The following DDX1 variants were observed in gnomAD, a reference collection of about 807,000 sequenced individuals.
The protein encoded by DDX1 is DEAD-box helicase 1.
A neutral mutation model predicts 108.7 loss-of-function variants in DDX1; 28 were observed. The ratio of observed to expected loss-of-function variants is 0.26; its 90% CI spans 0.19 to 0.35. The LOEUF is 0.35. Among genes scored for constraint, DDX1 ranks in the 10% least tolerant of loss-of-function variants. The pLI, the probability that DDX1 is intolerant of heterozygous loss-of-function variation, is 1.00. For synonymous variants in DDX1, 295 were observed against 288.9 expected (o/e 1.02, Z -0.21); for missense variants, 710 against 884.5 (o/e 0.80, Z 2.50).
chr2:15,606,267 A>G lies in DDX1; in HGVS notation c.817+3A>G. On this transcript the variant is annotated splice_donor_region_variant and intron_variant, in intron 12 of 25. Transcript: ENST00000233084. ...CATTGTCAAATCACAGCACTCAGGT[A>G]TTATACCTGCAAGGGTAAGGATTTC... 6.3e-7 allele frequency: 1 copy of G among 1,594,892 alleles called. No individual in the cohort carries two copies. The highest frequency in any genetic ancestry group is 8.6e-7 in the Non-Finnish European group (1 of 1,163,228).
chr2:15,604,562 G>C, intron 10 of DDX1, 53 bp downstream of exon 10: 2 of 1,266,094 alleles, frequency 1.6e-6, no homozygotes, highest in Non-Finnish European at 2.3e-6. Context: ...TTCAATAATT[G>C]TGGTTTTTAA....
At chr2:15,604,576 T>TC in intron 10 of DDX1, 67 bp downstream of exon 10, 1 of 1,048,928 alleles carries the variant, frequency 9.5e-7, no homozygotes, top group East Asian at 2.4e-5. Flanking sequence ...TTTTTAAAAA[T>TC]CCCCCCACCC....
intron 13 of DDX1, among the ~76,000 whole-genome samples, chr2:15,608,204 C>T (rs913611612): frequency 1.3e-5 from 2 of 152,166 alleles, no homozygotes; most frequent in Non-Finnish European, 2.9e-5. Context: ...AAACTTGAAA[C>T]ATTCACACAC....
intron 15 of DDX1, 43 bp downstream of exon 15, chr2:15,617,385 A>G (rs1450393331): frequency 6.0e-6 from 7 of 1,175,776 alleles, no homozygotes; most frequent in Non-Finnish European, 7.3e-6. Context: ...GTTTACTTAT[A>G]TTTTTTGAGA....
intron 6 of DDX1, among the ~76,000 whole-genome samples, chr2:15,602,302 A>T (rs1034985179): frequency 2.0e-5 from 3 of 152,246 alleles, no homozygotes; most frequent in Non-Finnish European, 2.9e-5. Context: ...TAGTTAACAG[A>T]TGGCAGCATA....
At position 15,606,244 on chromosome 2, in the gene DDX1, T is replaced by C. The variant is rs568577067; in HGVS notation, c.797T>C (p.Ile266Thr). ...VALSKAPDGYIVKSQHSGNAQ... is the reference protein window; with the variant it reads ...VALSKAPDGYTVKSQHSGNAQ... ...CTTTCCAAGGCACCGGATGGTTACA[T>C]TGTCAAATCACAGCACTCAGGTATT... Residue 266 changes from isoleucine (I) to threonine (T), a missense_variant, in exon 12 of 26, where the codon ATT (isoleucine) becomes ACT (threonine). This residue lies in a region of DDX1 where 661 missense variants were observed against 810.2 expected (regional missense o/e 0.82). Coordinates refer to ENST00000233084, the MANE Select transcript of DDX1 (RefSeq NM_004939.3). The C allele has an allele frequency of 3.7e-6, 6 of 1,613,448 alleles. No homozygotes were observed. In the African/African-American group the frequency reaches 5.3e-5, roughly 14 times the overall value.
At chr2:15,595,579 T>G (rs1420228875) in intron 3 of DDX1, 26 bp downstream of exon 3, 1 of 1,507,758 alleles carries the variant, frequency 6.6e-7, no homozygotes. Flanking sequence ...GTGAGGTGAT[T>G]GGTAGCTGGG....
At chr2:15,623,404 T>C in intron 18 of DDX1, 32 bp from the exon 19 acceptor site, 1 of 1,608,058 alleles carries the variant, frequency 6.2e-7, no homozygotes, top group South Asian at 1.1e-5. Context: ...ATTGAAATTC[T>C]GTTGGTTTTT....
In DDX1 at chr2:15,604,060, A is replaced by G. The variant is rs11695856; in HGVS notation, c.552+170A>G. 9.7e-3 allele frequency among the ~76,000 whole-genome samples: 1,471 copies of G among 152,362 alleles called. 8 individuals are homozygous for G. The highest frequency in any genetic ancestry group is 0.015 in the Non-Finnish European group (1,053 of 68,030). ...TTTAGTGAAGAAATATTGTCAAGCT[A>G]GATAAATATGTAGTAGTTATAATTT... On this transcript the variant is annotated intron_variant, in intron 9 of 25. Coordinates refer to ENST00000233084, the MANE Select transcript of DDX1 (RefSeq NM_004939.3).
intron 7 of DDX1, 30 bp downstream of exon 7, chr2:15,602,661 A>T: frequency 6.7e-7 from 1 of 1,486,244 alleles, no homozygotes; most frequent in Non-Finnish European, 9.4e-7. Flanking sequence ...ACTTGTATAA[A>T]CTTTTGAGGC....
chr2:15,617,492 T>A (rs1163263320), intron 15 of DDX1, 150 bp downstream of exon 15: 2 of 405,576 alleles, frequency 4.9e-6, no homozygotes, highest in Admixed American at 4.3e-5. Flanking sequence ...CATATACTTT[T>A]TATTTATATA....
At chr2:15,630,248 C>G in intron 25 of DDX1, 138 bp downstream of exon 25, 1 of 827,960 alleles carries the variant, frequency 1.2e-6, no homozygotes, top group Non-Finnish European at 1.9e-6. Flanking sequence ...CCTTATTACC[C>G]TCATAGTACT....
chr2:15,612,937 A>C (rs1351841537), intron 13 of DDX1, among the ~76,000 whole-genome samples: 3 of 148,438 alleles, frequency 2.0e-5, no homozygotes, highest in Non-Finnish European at 4.5e-5. Flanking sequence ...GGGAGGTTGC[A>C]GTGAGCCGAG....
chr2:15,600,504 T>C (rs1285084323), intron 6 of DDX1, among the ~76,000 whole-genome samples: 1 of 152,178 alleles, frequency 6.6e-6, no homozygotes, highest in Non-Finnish European at 1.5e-5. Context: ...TTGGTTTTGC[T>C]CTTCCCCACA....
chr2:15,605,997 CA>C lies in DDX1; in HGVS notation c.675del (p.Ala226ProfsTer8). On this transcript the variant is annotated frameshift_variant, in exon 11 of 26. Coordinates refer to ENST00000233084, the MANE Select transcript of DDX1 (RefSeq NM_004939.3). LOFTEE classifies it high-confidence loss of function. ...TGAAATACCACCACATATGAAAAACCAAGCCCTCTTTCCTGCCTGTGTTTTG... is the reference window on the plus strand; with the variant it reads ...TGAAATACCACCACATATGAAAAACCAGCCCTCTTTCCTGCCTGTGTTTTG... ...AFEIPPHMKN[Q>X]ALFPACVLKN... 1 of 1,585,878 alleles carries C rather than the reference CA, an allele frequency of 6.3e-7. No individual in the cohort carries two copies. Among genetic ancestry groups the C allele is most frequent in the South Asian group, 1.2e-5 (1 of 84,862 alleles).
At chr2:15,607,059 C>CTT (rs1287172238) in intron 12 of DDX1, 116 bp from the exon 13 acceptor site, 3 of 1,033,490 alleles carry the variant, frequency 2.9e-6, no homozygotes, top group Non-Finnish European at 4.3e-6. Flanking sequence ...GTCTTCTCTA[C>CTT]TTTTTGACAA....
At position 15,611,974 on chromosome 2, in the gene DDX1, C is replaced by T. The variant is rs1296197305; in HGVS notation, c.957-1250C>T. ...TGGCCGGGCGGGGGGCTGACCCCAC[C>T]ACCTCCCTCCCGGACAGGGCGGCTG... On this transcript the variant is annotated intron_variant, in intron 13 of 25. Coordinates refer to ENST00000233084, the MANE Select transcript of DDX1 (RefSeq NM_004939.3). Among the ~76,000 whole-genome samples the T allele has an allele frequency of 3.1e-5, 4 of 129,764 alleles. 1 individual carries two copies. Among genetic ancestry groups the T allele is most frequent in the Non-Finnish European group, 6.3e-5 (4 of 63,416 alleles). 85.1% of individuals were successfully genotyped at this position (129,764 alleles called of 152,430 possible). A position where few individuals can be genotyped will look rare whatever the true frequency, so the allele number is the denominator to read the frequency against.
At chr2:15,595,660 A>G in intron 3 of DDX1, 107 bp downstream of exon 3, 1 of 830,040 alleles carries the variant, frequency 1.2e-6, no homozygotes, top group Middle Eastern at 2.2e-4. Flanking sequence ...TATGATACAT[A>G]TACTGTATTC....
At chr2:15,611,516 G>GA (rs1553341833) in intron 13 of DDX1, among the ~76,000 whole-genome samples, 1 of 133,598 alleles carries the variant, frequency 7.5e-6, no homozygotes, top group Non-Finnish European at 1.6e-5. Flanking sequence ...GCAGGGGGCT[G>GA]ACCCCCCCAC....
Sources: allele counts gnomAD v4.1 joint callset (sites outside exome capture counted in the v4.1 genomes callset), GRCh38; gene constraint gnomAD v4.1.1; regional missense constraint gnomAD v4.1.1; transcripts MANE v1.5; gene names NCBI Gene and HGNC (gene_info 2026-07-23, HGNC 2026-07-21).